CGNL1: variants seen among roughly 807,000 people sequenced by gnomAD.
CGNL1 encodes cingulin like 1.
In CGNL1, 132 loss-of-function variants were observed where a neutral mutation model predicts 141.2. The observed-to-expected ratio is 0.93, with a 90% CI of 0.81 to 1.08. CGNL1 has a LOEUF of 1.08. Among genes scored for constraint, CGNL1 ranks in the 50% least tolerant of loss-of-function variants. The pLI, the probability that CGNL1 is intolerant of heterozygous loss-of-function variation, is 0.00. For missense variants in CGNL1, 1,870 were observed against 1,588.6 expected, an observed-to-expected ratio of 1.18 and a Z score of -3.01; for synonymous variants, 690 against 622.1, an observed-to-expected ratio of 1.11 and a Z score of -1.63.
chr15:57,477,216 A>G (rs1053870787), intron 8 of CGNL1, among the ~76,000 whole-genome samples: 4 of 152,162 alleles, frequency 2.6e-5, no homozygotes, highest in Non-Finnish European at 4.4e-5. Context: ...TAGAGTCCAG[A>G]GAAGGTGGCA....
intron 8 of CGNL1, among the ~76,000 whole-genome samples, chr15:57,465,366 C>T (rs1311180628): frequency 6.8e-6 from 1 of 147,966 alleles, no homozygotes; most frequent in Non-Finnish European, 1.5e-5. Flanking sequence ...CCACCAACCA[C>T]TATGGCTAAA....
intron 8 of CGNL1, among the ~76,000 whole-genome samples, chr15:57,498,429 C>A (rs1019409298): frequency 6.6e-6 from 1 of 151,846 alleles, no homozygotes; most frequent in Non-Finnish European, 1.5e-5. Flanking sequence ...GGTCTCAAAC[C>A]CCTGGGCTTA....
intron 1 of CGNL1, among the ~76,000 whole-genome samples, chr15:57,406,332 T>C (rs933444213): frequency 6.6e-6 from 1 of 152,102 alleles, no homozygotes; most frequent in Non-Finnish European, 1.5e-5. Context: ...GCTGGGTGTG[T>C]TCTGGGAACA....
chr15:57,468,465 C>T (rs1186038276), intron 8 of CGNL1, among the ~76,000 whole-genome samples: 1 of 151,944 alleles, frequency 6.6e-6, no homozygotes, highest in African/African-American at 2.4e-5. Flanking sequence ...CTCCTGAGCT[C>T]AGGCCATCTG....
intron 10 of CGNL1, among the ~76,000 whole-genome samples, chr15:57,522,252 G>C (rs559075384): frequency 6.6e-6 from 1 of 152,332 alleles, no homozygotes; most frequent in Non-Finnish European, 1.5e-5. Flanking sequence ...AGTGCAGCCA[G>C]CCCAACAGAG....
intron 8 of CGNL1, among the ~76,000 whole-genome samples, chr15:57,511,763 G>A (rs372224195): frequency 2.6e-5 from 4 of 152,172 alleles, no homozygotes; most frequent in East Asian, 1.9e-4. Flanking sequence ...AATCTGGTGC[G>A]GTGTTTTCAA....
chr15:57,422,839 A>G (rs1423225029), intron 1 of CGNL1, among the ~76,000 whole-genome samples: 1 of 152,198 alleles, frequency 6.6e-6, no homozygotes, highest in East Asian at 1.9e-4. Context: ...ATGGAAATAG[A>G]TCCCAGAGCA....
intron 8 of CGNL1, among the ~76,000 whole-genome samples, chr15:57,463,791 T>G (rs2063475393): frequency 6.6e-6 from 1 of 152,194 alleles, no homozygotes; most frequent in African/African-American, 2.4e-5. Context: ...ACCTCTCACC[T>G]CTTCATACGT....
chr15:57,444,309 T>C (rs2063226143), intron 4 of CGNL1, among the ~76,000 whole-genome samples: 1 of 152,268 alleles, frequency 6.6e-6, no homozygotes, highest in African/African-American at 2.4e-5. Flanking sequence ...TTCCATTGTA[T>C]CTGTATAACA....
chr15:57,504,715 C>G (rs2064076656), intron 8 of CGNL1, among the ~76,000 whole-genome samples: 1 of 152,142 alleles, frequency 6.6e-6, no homozygotes, highest in Admixed American at 6.5e-5. Flanking sequence ...TTAATGGGCT[C>G]TTGGAGCTTG....
At chr15:57,471,545 G>A (rs1314079647) in intron 8 of CGNL1, among the ~76,000 whole-genome samples, 1 of 152,336 alleles carries the variant, frequency 6.6e-6, no homozygotes, top group Non-Finnish European at 1.5e-5. Flanking sequence ...AAAGTGACAA[G>A]ACTTAGTTGG....
intron 8 of CGNL1, among the ~76,000 whole-genome samples, chr15:57,511,184 C>T (rs758411227): frequency 2.6e-5 from 4 of 152,210 alleles, no homozygotes; most frequent in Non-Finnish European, 4.4e-5. Context: ...GCCCCAGTTT[C>T]CTGCCTCATA....
chr15:57,520,222 A>G (rs1362337680), intron 10 of CGNL1, among the ~76,000 whole-genome samples: 1 of 152,218 alleles, frequency 6.6e-6, no homozygotes, highest in Non-Finnish European at 1.5e-5. Context: ...ATGCCATGAA[A>G]AAAGCACCAT....
intron 4 of CGNL1, among the ~76,000 whole-genome samples, chr15:57,446,523 G>C (rs2063254115): frequency 6.6e-6 from 1 of 151,936 alleles, no homozygotes; most frequent in African/African-American, 2.4e-5. Context: ...CATTATATCA[G>C]CAGGATTCAT....
At chr15:57,515,215 G>A (rs563754686) in intron 8 of CGNL1, among the ~76,000 whole-genome samples, 1 of 152,214 alleles carries the variant, frequency 6.6e-6, no homozygotes, top group African/African-American at 2.4e-5. Flanking sequence ...TCAGCTGTCT[G>A]ACACCTTAGT....
chr15:57,501,820 C>T (rs1412398581), intron 8 of CGNL1, among the ~76,000 whole-genome samples: 8 of 152,084 alleles, frequency 5.3e-5, no homozygotes, highest in African/African-American at 1.9e-4. Flanking sequence ...CAGTGGGACC[C>T]CAGCAGCAGT....
intron 7 of CGNL1, among the ~76,000 whole-genome samples, chr15:57,459,294 G>A (rs1412576623): frequency 1.3e-5 from 2 of 152,188 alleles, no homozygotes; most frequent in Non-Finnish European, 2.9e-5. Context: ...ATTAATCTAT[G>A]CATCAAAAAT....
At chr15:57,409,432 C>T (rs374930725) in intron 1 of CGNL1, among the ~76,000 whole-genome samples, 15 of 152,116 alleles carry the variant, frequency 9.9e-5, no homozygotes, top group African/African-American at 3.4e-4. Context: ...GAAAAGATGA[C>T]GGTGGCCATG....
intron 8 of CGNL1, among the ~76,000 whole-genome samples, chr15:57,473,308 A>C (rs1484689210): frequency 6.6e-6 from 1 of 152,230 alleles, no homozygotes; most frequent in Non-Finnish European, 1.5e-5. Context: ...CAAGATCATT[A>C]AGTAGATTTT....
Sources: gnomAD v4.1 joint callset for allele counts (sites outside exome capture counted in the v4.1 genomes callset) on GRCh38, gnomAD v4.1.1 for gene constraint, MANE v1.5 for transcripts, NCBI Gene and HGNC (gene_info 2026-07-23, HGNC 2026-07-21) for gene names.